Variants in OPRD1 observed in about 807,000 individuals in gnomAD.
OPRD1 encodes the protein delta-type opioid receptor.
Under a neutral mutation model 17.5 loss-of-function variants are expected in OPRD1, and 19 were observed. That is an observed-to-expected ratio of 1.09 (90% CI 0.76 to 1.60). The LOEUF (loss-of-function observed/expected upper bound fraction) is 1.60, where lower values mean the gene tolerates loss of function less well. Among genes scored for constraint, OPRD1 ranks in the 40% most tolerant of loss-of-function variants. OPRD1 has a pLI of 0.00. For synonymous variants in OPRD1, 256 were observed against 240.9 expected, an observed-to-expected ratio of 1.06 and a Z score of -0.58; for missense variants, 483 against 547.2, an observed-to-expected ratio of 0.88 and a Z score of 1.17.
rs898272507 is a variant in OPRD1, at chr1:28,863,079, G to A, written c.915G>A (p.Ala305=). The A allele has an allele frequency of 6.2e-7, 1 of 1,607,762 alleles. No homozygotes were observed. Among genetic ancestry groups the A allele is most frequent in the South Asian group, 1.1e-5 (1 of 90,430 alleles). The change falls in exon 3 of 3, where the codon GCG becomes GCA. Residue 305 remains alanine (A), a synonymous_variant. Coordinates refer to ENST00000234961, the MANE Select transcript of OPRD1 (RefSeq NM_000911.4). The stretch of plus-strand genomic sequence containing the variant: ...TGGCTGCGCTGCACCTGTGCATCGC[G>A]CTGGGCTACGCCAATAGCAGCCTCA... ...LVVAALHLCI[A]LGYANSSLNP...
intron 1 of OPRD1, among the ~76,000 whole-genome samples, chr1:28,823,900 G>A (rs1184763606): frequency 2.7e-5 from 4 of 150,638 alleles, no homozygotes; most frequent in Admixed American, 6.6e-5. Flanking sequence ...CATTCAGGCC[G>A]GGTGCGGTGG....
At chr1:28,820,565 G>A (rs1197638690) in intron 1 of OPRD1, among the ~76,000 whole-genome samples, 1 of 151,888 alleles carries the variant, frequency 6.6e-6, no homozygotes, top group Non-Finnish European at 1.5e-5. Flanking sequence ...AGTGACTCAC[G>A]CCTGTAATCC....
chr1:28,846,821 T>TTTTCTTTCTTTCTTTCTTTCTTTC (rs1196638603), intron 1 of OPRD1, among the ~76,000 whole-genome samples: 32 of 103,582 alleles, frequency 3.1e-4, no homozygotes, highest in African/African-American at 9.6e-4. Flanking sequence ...GCTGTTTGCA[T>TTTTCTTTCTTTCTTTCTTTCTTTC]TTTCTTTCTT....
chr1:28,823,504 C>A (rs2088734226), intron 1 of OPRD1, among the ~76,000 whole-genome samples: 1 of 152,036 alleles, frequency 6.6e-6, no homozygotes, highest in Non-Finnish European at 1.5e-5. Context: ...TCAAGCAATT[C>A]CCCTGCCTCA....
chr1:28,826,595 A>G (rs1164072067), intron 1 of OPRD1, among the ~76,000 whole-genome samples: 1 of 152,244 alleles, frequency 6.6e-6, no homozygotes, highest in Admixed American at 6.5e-5. Context: ...AAAAATATAC[A>G]TACTTCAATT....
At position 28,863,904 on chromosome 1, in the gene OPRD1, C is replaced by G. The variant is rs1009368977; in HGVS notation, c.*621C>G. On this transcript the variant is annotated 3_prime_UTR_variant, in exon 3 of 3. Transcript: ENST00000234961. The stretch of plus-strand genomic sequence containing the variant: ...CTTTGGATACGGGATACAGTCCCAG[C>G]CCTGAGTTCTAGCAAGGGGCAAGGC... The G allele has an allele frequency of 6.6e-6, 1 of 152,356 alleles. No homozygotes were observed. Among genetic ancestry groups the G allele is most frequent in the African/African-American group, 2.4e-5 (1 of 41,426 alleles). The allele number at this position is 152,356 out of a possible 1,614,324, so 9.4% of individuals were successfully genotyped here.
intron 1 of OPRD1, among the ~76,000 whole-genome samples, chr1:28,817,853 C>G (rs1191068763): frequency 6.7e-6 from 1 of 149,336 alleles, no homozygotes; most frequent in Non-Finnish European, 1.5e-5. Flanking sequence ...TACAGGCGCT[C>G]GCCACCACGC....
At chr1:28,818,611 G>T (rs991112306) in intron 1 of OPRD1, among the ~76,000 whole-genome samples, 1 of 152,178 alleles carries the variant, frequency 6.6e-6, no homozygotes, top group Non-Finnish European at 1.5e-5. Flanking sequence ...AGGATGGAGA[G>T]GCTGCAGGGA....
At position 28,863,371 on chromosome 1, in the gene OPRD1, T is replaced by C; in HGVS notation, c.*88T>C. The C allele has an allele frequency of 5.9e-6, 8 of 1,347,598 alleles. No homozygotes were observed. The South Asian group carries it at 1.2e-4, about 20-fold the overall frequency. The allele number at this position is 1,347,598 out of a possible 1,614,324, so 83.5% of individuals were successfully genotyped here. On this transcript the variant is annotated 3_prime_UTR_variant, in exon 3 of 3. Coordinates refer to ENST00000234961, the MANE Select transcript of OPRD1 (RefSeq NM_000911.4). ...GGGAGGCGCGAGCCATGATGTGGAG[T>C]GGGGCAGTAGAAGGTCGGAGGCTTG...
intron 2 of OPRD1, among the ~76,000 whole-genome samples, chr1:28,861,520 C>A (rs2089120842): frequency 6.6e-6 from 1 of 152,180 alleles, no homozygotes; most frequent in African/African-American, 2.4e-5. Flanking sequence ...TCCCAGCTTA[C>A]TGCAGCCTCA....
At chr1:28,835,815 C>G (rs113682790) in intron 1 of OPRD1, among the ~76,000 whole-genome samples, 18 of 152,288 alleles carry the variant, frequency 1.2e-4, no homozygotes, top group African/African-American at 4.3e-4. Flanking sequence ...GTCCAAGGAA[C>G]CTGAGACCCA....
intron 1 of OPRD1, among the ~76,000 whole-genome samples, chr1:28,818,188 A>G (rs942742622): frequency 2.6e-5 from 4 of 152,126 alleles, no homozygotes; most frequent in Non-Finnish European, 5.9e-5. Context: ...CTGGTCGTCT[A>G]TGTTTTCCAC....
In OPRD1 at chr1:28,863,472, G is replaced by C; in HGVS notation, c.*189G>C. 1.6e-6 allele frequency: 1 copy of C among 627,482 alleles called. No homozygotes were observed. The highest frequency in any genetic ancestry group is 3.3e-5 in the East Asian group (1 of 30,318). The allele number at this position is 627,482 out of a possible 1,614,324, so 38.9% of individuals were successfully genotyped here. A position where few individuals can be genotyped will look rare whatever the true frequency, so the allele number is the denominator to read the frequency against. On this transcript the variant is annotated 3_prime_UTR_variant, in exon 3 of 3. Coordinates refer to ENST00000234961, the MANE Select transcript of OPRD1 (RefSeq NM_000911.4). Reference sequence around the variant, plus strand: ...GGGCATGGGGTGGGCCTCTGGTTTGGGGCGAGGCAGAGGACAGATCAATGG... The same window carrying C: ...GGGCATGGGGTGGGCCTCTGGTTTGCGGCGAGGCAGAGGACAGATCAATGG...
chr1:28,842,968 A>G (rs937415847), intron 1 of OPRD1, among the ~76,000 whole-genome samples: 16 of 145,260 alleles, frequency 1.1e-4, no homozygotes, highest in African/African-American at 3.3e-4. Flanking sequence ...GCTACTTGGG[A>G]AAAAAAAAAG....
intron 1 of OPRD1, among the ~76,000 whole-genome samples, chr1:28,822,506 A>C (rs2124261368): frequency 6.6e-6 from 1 of 151,816 alleles, no homozygotes; most frequent in East Asian, 2.0e-4. Context: ...TTTTAGACGG[A>C]GTCTCATTCT....
chr1:28,849,817 A>G (rs533466681), intron 1 of OPRD1, among the ~76,000 whole-genome samples: 2 of 152,302 alleles, frequency 1.3e-5, no homozygotes, highest in African/African-American at 4.8e-5. Context: ...TGCTATATGA[A>G]AAAGGAATAA....
At chr1:28,854,113 G>T (rs1361801396) in intron 1 of OPRD1, among the ~76,000 whole-genome samples, 1 of 152,132 alleles carries the variant, frequency 6.6e-6, no homozygotes, top group Non-Finnish European at 1.5e-5. Flanking sequence ...CATGATAGTG[G>T]CTGTCTCTCG....
rs569756847 is a variant in OPRD1 at position 28,848,180 on chromosome 1, C to T, written c.228-10774C>T. On this transcript the variant is annotated intron_variant, in intron 1 of 2. Coordinates refer to ENST00000234961, the MANE Select transcript of OPRD1 (RefSeq NM_000911.4). The stretch of plus-strand genomic sequence containing the variant: ...AGGAGAATCGCTTGAACCTGGGAGG[C>T]GGAGGTTGCAGTGAGCCGAGATCGT... Among the ~76,000 whole-genome samples the T allele has an allele frequency of 4.6e-5, 7 of 151,820 alleles. No individual in the cohort carries two copies. The East Asian group carries it at 1.2e-3, about 25-fold the overall frequency.
In OPRD1 at chr1:28,812,190, A is replaced by G. The variant is rs1297471738; in HGVS notation, c.-194A>G. ...GGCTCACAGCGCTCCGGGCGAGGAGAGCGGGCGGACGCCGGGGGCTGGGCC... is the reference window on the plus strand; with the variant it reads ...GGCTCACAGCGCTCCGGGCGAGGAGGGCGGGCGGACGCCGGGGGCTGGGCC... On this transcript the variant is annotated 5_prime_UTR_variant, in exon 1 of 3. Coordinates refer to ENST00000234961, the MANE Select transcript of OPRD1 (RefSeq NM_000911.4). 1 of 180,882 alleles carries G rather than the reference A, an allele frequency of 5.5e-6. No individual in the cohort carries two copies. The highest frequency in any genetic ancestry group is 1.1e-5 in the Non-Finnish European group (1 of 91,010). The allele number at this position is 180,882 out of a possible 1,614,324, so 11.2% of individuals were successfully genotyped here.
Sources: allele counts gnomAD v4.1 joint callset (sites outside exome capture counted in the v4.1 genomes callset), GRCh38; gene constraint gnomAD v4.1.1; transcripts MANE v1.5; gene names NCBI Gene and HGNC (gene_info 2026-07-23, HGNC 2026-07-21).